ANKRD44: variants seen among roughly 807,000 people sequenced by gnomAD.
ANKRD44 encodes the protein serine/threonine-protein phosphatase 6 regulatory ankyrin repeat subunit B.
In ANKRD44, 35 loss-of-function variants were observed where a neutral mutation model predicts 116.0. The observed-to-expected ratio is 0.30, with a 90% confidence interval of 0.23 to 0.40. The LOEUF (loss-of-function observed/expected upper bound fraction) is 0.40. ANKRD44 is among the 10% of genes least tolerant of loss of function. The pLI is 1.00. For missense variants in ANKRD44, 1,014 were observed against 1,242.6 expected (o/e 0.82, Z 2.77); for synonymous variants, 435 against 461.8 (o/e 0.94, Z 0.74).
intron 1 of ANKRD44, among the ~76,000 whole-genome samples, chr2:197,286,652 A>G (rs981125792): frequency 6.6e-6 from 1 of 151,964 alleles, no homozygotes; most frequent in African/African-American, 2.4e-5. Flanking sequence ...ACCTTTTTAA[A>G]TGCTTCTCTT....
chr2:197,205,687 C>G (rs1244251731), intron 1 of ANKRD44, among the ~76,000 whole-genome samples: 1 of 152,160 alleles, frequency 6.6e-6, no homozygotes, highest in Non-Finnish European at 1.5e-5. Flanking sequence ...GATCAAGATA[C>G]AGTCCCAGGC....
At chr2:197,124,357 A>C (rs2078928593) in intron 6 of ANKRD44, among the ~76,000 whole-genome samples, 1 of 152,230 alleles carries the variant, frequency 6.6e-6, no homozygotes, top group Admixed American at 6.5e-5. Context: ...GGATTCAGAA[A>C]GGCAAAAAGG....
chr2:197,197,888 C>CA (rs2080996440), intron 1 of ANKRD44: 1 of 151,194 alleles, frequency 6.6e-6, no homozygotes, highest in African/African-American at 2.4e-5. Flanking sequence ...ACTGGAATGT[C>CA]AGAGTCAGTC....
chr2:197,147,044 T>C lies in ANKRD44; in HGVS notation c.173A>G (p.Glu58Gly), dbSNP rs372728973. ...TTATTTACCTGACAAAATCAGGAGT[T>C]CAATGATCTCTGCATCTCCCAGAAA... Reference protein sequence around the residue: ...AAFLGDAEIIELLILSGARVN... With the variant: ...AAFLGDAEIIGLLILSGARVN... The change falls in exon 3 of 28, where the codon GAA becomes GGA. Residue 58 changes from glutamate (E) to glycine (G), a missense_variant. Transcript: ENST00000282272. The C allele has an allele frequency of 1.9e-6, 3 of 1,613,670 alleles. No individual in the cohort carries two copies. The African/African-American group carries it at 4.0e-5, about 22-fold the overall frequency.
intron 21 of ANKRD44, among the ~76,000 whole-genome samples, chr2:196,972,566 T>C (rs551721135): frequency 7.9e-5 from 12 of 152,222 alleles, no homozygotes; most frequent in Admixed American, 3.3e-4. Flanking sequence ...TGTCAAAATA[T>C]GGTGATAGAA....
At chr2:197,257,809 T>C (rs1219464090) in intron 1 of ANKRD44, among the ~76,000 whole-genome samples, 1 of 152,218 alleles carries the variant, frequency 6.6e-6, no homozygotes, top group Non-Finnish European at 1.5e-5. Context: ...CACATTATTA[T>C]ACAACCATTA....
chr2:196,975,401 T>C (rs892255404), intron 21 of ANKRD44, among the ~76,000 whole-genome samples: 1 of 152,170 alleles, frequency 6.6e-6, no homozygotes, highest in Non-Finnish European at 1.5e-5. Flanking sequence ...ATCAGAATGA[T>C]AAAAATCTTT....
intron 1 of ANKRD44, among the ~76,000 whole-genome samples, chr2:197,276,327 T>C (rs955631582): frequency 6.6e-6 from 1 of 151,436 alleles, no homozygotes; most frequent in Non-Finnish European, 1.5e-5. Flanking sequence ...GCTAAGAGTT[T>C]TTTACACCAT....
At chr2:197,166,130 T>C (rs2080096543) in intron 2 of ANKRD44, among the ~76,000 whole-genome samples, 1 of 152,224 alleles carries the variant, frequency 6.6e-6, no homozygotes, top group Non-Finnish European at 1.5e-5. Context: ...AATATCTTTA[T>C]TGGGGTATGA....
At chr2:197,090,621 C>G (rs2078022755) in intron 10 of ANKRD44, among the ~76,000 whole-genome samples, 1 of 151,700 alleles carries the variant, frequency 6.6e-6, no homozygotes, top group African/African-American at 2.4e-5. Flanking sequence ...TGAGCAAAAC[C>G]CCACTCTCAA....
At chr2:197,170,190 CAAAAAAAAAAAAA>C (rs71012960) in intron 2 of ANKRD44, among the ~76,000 whole-genome samples, 2 of 119,786 alleles carry the variant, frequency 1.7e-5, no homozygotes, top group East Asian at 4.8e-4. Context: ...ACCCTGTTTC[CAAAAAAAAAAAAA>C]AAAAAAAAAA....
At chr2:196,984,561 T>C (rs946077908), downstream of ANKRD44, among the ~76,000 whole-genome samples, 1 of 152,222 alleles carries the variant, frequency 6.6e-6, no homozygotes, top group African/African-American at 2.4e-5. Context: ...GAGGGATACT[T>C]ATACAGGGAT....
In ANKRD44 at chr2:197,290,654, T is replaced by G. The variant is rs143343039; in HGVS notation, c.27+19924A>C. 3.0e-3 allele frequency among the ~76,000 whole-genome samples: 462 copies of G among 152,352 alleles called. 5 individuals carry two copies. Among genetic ancestry groups the G allele is most frequent in the African/African-American group, 0.011 (445 of 41,580 alleles). On this transcript the variant is annotated intron_variant, in intron 1 of 27. Transcript: ENST00000282272. ...AGCATGCTTTACTTTGCATGTATTA[T>G]TACTAATTTATCAAATTTTATATTT...
intron 1 of ANKRD44, among the ~76,000 whole-genome samples, chr2:197,258,793 TG>T (rs372314717): frequency 6.6e-6 from 1 of 152,204 alleles, no homozygotes; most frequent in African/African-American, 2.4e-5. Flanking sequence ...GAGTATGAAG[TG>T]GTATCTCATT....
intron 3 of ANKRD44, among the ~76,000 whole-genome samples, chr2:197,142,014 A>C (rs557494968): frequency 7.2e-5 from 11 of 152,374 alleles, no homozygotes; most frequent in African/African-American, 2.6e-4. Context: ...ATTTAAAGGC[A>C]AATGCTTTTG....
chr2:197,140,562 C>A (rs1305898704), intron 3 of ANKRD44, among the ~76,000 whole-genome samples: 4 of 152,100 alleles, frequency 2.6e-5, no homozygotes, highest in African/African-American at 7.2e-5. Flanking sequence ...CTCAAGTGAT[C>A]CTCCTATTTC....
chr2:197,086,801 A>G (rs2077934989), intron 12 of ANKRD44, 53 bp from the exon 13 acceptor site: 4 of 1,540,048 alleles, frequency 2.6e-6, no homozygotes, highest in Non-Finnish European at 3.6e-6. Context: ...TTACTGGCCT[A>G]TCTTCAGCAA....
chr2:197,075,581 A>C (rs759689834), intron 16 of ANKRD44, among the ~76,000 whole-genome samples: 6 of 152,238 alleles, frequency 3.9e-5, no homozygotes, highest in Non-Finnish European at 7.3e-5. Context: ...AAATAGGTAG[A>C]CTTGGCAGAA....
chr2:197,041,334 T>G (rs2076907177), intron 16 of ANKRD44, among the ~76,000 whole-genome samples: 1 of 152,170 alleles, frequency 6.6e-6, no homozygotes, highest in South Asian at 2.1e-4. Flanking sequence ...GATTTTCATA[T>G]GGGCTACCCT....
Sources: allele counts gnomAD v4.1 joint callset (sites outside exome capture counted in the v4.1 genomes callset), GRCh38; gene constraint gnomAD v4.1.1; transcripts MANE v1.5; gene names NCBI Gene and HGNC (gene_info 2026-07-23, HGNC 2026-07-21).